Variants in ABCB1 observed in about 807,000 individuals in gnomAD.
ABCB1 encodes ATP binding cassette subfamily B member 1, also known as ATP-dependent translocase ABCB1.
A neutral mutation model predicts 142.0 loss-of-function variants in ABCB1; 69 were observed. That is an observed-to-expected ratio of 0.49 (90% CI 0.40 to 0.59). ABCB1 has a LOEUF of 0.59. Ranked by LOEUF, ABCB1 falls within the 20% of genes least tolerant of loss-of-function variation. The pLI, the probability that ABCB1 is intolerant of heterozygous loss-of-function variation, is 0.00. For synonymous variants in ABCB1, 532 were observed against 539.2 expected (o/e 0.99, Z 0.18); for missense variants, 1,326 against 1,554.7 (o/e 0.85, Z 2.47).
chr7:87,632,491 T>A (rs923239915), intron 1 of ABCB1, among the ~76,000 whole-genome samples: 4 of 152,196 alleles, frequency 2.6e-5, no homozygotes, highest in Non-Finnish European at 2.9e-5. Context: ...TTTCACAGAT[T>A]TTGGTGAAGA....
chr7:87,549,970 A>G lies in ABCB1; in HGVS notation c.1435T>C (p.Leu479=). 6.2e-7 allele frequency: 1 copy of G among 1,614,248 alleles called. No individual in the cohort carries two copies. The highest frequency in any genetic ancestry group is 8.5e-7 in the Non-Finnish European group (1 of 1,180,044). ...IIGVVSQEPV[L]FATTIAENIR... ...TTTTCAGCTATCGTGGTGGCAAACA[A>G]TACAGGTTCCTGACTCACCACACCA... The change falls in exon 13 of 28, where the codon TTG becomes CTG. Residue 479 remains leucine (L), a synonymous_variant. Transcript: ENST00000622132.
At chr7:87,584,939 C>T (rs1818668063) in intron 4 of ABCB1, among the ~76,000 whole-genome samples, 2 of 150,578 alleles carry the variant, frequency 1.3e-5, no homozygotes, top group Non-Finnish European at 2.9e-5. Context: ...ATTATTTATC[C>T]TATCCTAAAA....
intron 20 of ABCB1, among the ~76,000 whole-genome samples, chr7:87,532,608 C>T (rs576657904): frequency 6.6e-6 from 1 of 152,226 alleles, no homozygotes; most frequent in East Asian, 1.9e-4. Context: ...TGGGAGGAAC[C>T]CTCAGTTCTG....
Position 87,549,936 on chromosome 7 carries a change from T to A in ABCB1, c.1469A>T (p.Tyr490Phe). The A allele has an allele frequency of 1.2e-6, 2 of 1,614,218 alleles. No homozygotes were observed. The highest frequency in any genetic ancestry group is 1.7e-6 in the Non-Finnish European group (2 of 1,180,034). Residue 490 changes from tyrosine (Y) to phenylalanine (F), a missense_variant, in exon 13 of 28, where the codon TAT becomes TTT. Physicochemically the swap from Tyr to Phe is conservative, Grantham distance 22 (BLOSUM62 3). Transcript: ENST00000622132. ...FATTIAENIR[Y>F]GRENVTMDEI... ...ATCCATGGTGACATTTTCACGGCCATAGCGAATGTTTTCAGCTATCGTGGT... is the reference window on the plus strand; with the variant it reads ...ATCCATGGTGACATTTTCACGGCCAAAGCGAATGTTTTCAGCTATCGTGGT...
At chr7:87,651,469 A>G (rs1358587833) in intron 1 of ABCB1, among the ~76,000 whole-genome samples, 1 of 152,130 alleles carries the variant, frequency 6.6e-6, no homozygotes, top group Non-Finnish European at 1.5e-5. Context: ...TGAATTTTAG[A>G]TTCTTTAAAT....
At chr7:87,579,510 T>C (rs374863895) in intron 4 of ABCB1, among the ~76,000 whole-genome samples, 4 of 152,356 alleles carry the variant, frequency 2.6e-5, no homozygotes, top group South Asian at 4.1e-4. Context: ...ACATATCACA[T>C]TGATTAGTTT....
intron 4 of ABCB1, among the ~76,000 whole-genome samples, chr7:87,578,162 T>G (rs769720352): frequency 1.3e-5 from 2 of 152,226 alleles, no homozygotes; most frequent in Non-Finnish European, 2.9e-5. Context: ...CCCACCACCA[T>G]TTTTTGAAGA....
At position 87,612,959 on chromosome 7, in the gene ABCB1, C is replaced by CCTTTAGAGAT. The variant is rs577114671; in HGVS notation, c.-330-11891_-330-11882dup. The stretch of plus-strand genomic sequence containing the variant: ...CTTTCTGCAGTGTTTCATAGTTGTT[C>CCTTTAGAGAT]CTTTAGAGATCTTTCACCTCCTTGG... On this transcript the variant is annotated intron_variant, in intron 1 of 28. Transcript: ENST00000265724. Among the ~76,000 whole-genome samples the CCTTTAGAGAT allele has an allele frequency of 7.5e-4, 110 of 147,364 alleles. 1 individual carries two copies. Among genetic ancestry groups the CCTTTAGAGAT allele is most frequent in the African/African-American group, 2.5e-3 (100 of 40,400 alleles).
intron 1 of ABCB1, among the ~76,000 whole-genome samples, chr7:87,617,816 T>A (rs1449074924): frequency 6.6e-6 from 1 of 152,160 alleles, no homozygotes; most frequent in African/African-American, 2.4e-5. Flanking sequence ...TCAACATTCT[T>A]AGGATAAAGA....
At chr7:87,678,662 T>C (rs1279085288) in intron 1 of ABCB1, among the ~76,000 whole-genome samples, 1 of 151,856 alleles carries the variant, frequency 6.6e-6, no homozygotes, top group Non-Finnish European at 1.5e-5. Flanking sequence ...TTTGACTGGG[T>C]AAAAAAAGGA....
chr7:87,516,370 A>G (rs1815248919), intron 24 of ABCB1, 139 bp downstream of exon 24: 1 of 1,053,412 alleles, frequency 9.5e-7, no homozygotes, highest in Non-Finnish European at 1.4e-6. Context: ...TATTAGCAGT[A>G]ATTGAAAGGA....
chr7:87,513,129 T>G (rs902519314), intron 25 of ABCB1, among the ~76,000 whole-genome samples: 9 of 152,184 alleles, frequency 5.9e-5, no homozygotes, highest in Admixed American at 3.3e-4. Context: ...CAGATTCTAG[T>G]CTCGTGTCTT....
chr7:87,644,955 G>T (rs547601954), intron 1 of ABCB1, among the ~76,000 whole-genome samples: 2 of 151,992 alleles, frequency 1.3e-5, no homozygotes, highest in South Asian at 4.2e-4. Flanking sequence ...ATGTAATATG[G>T]ATGTAATTAA....
At chr7:87,628,896 A>T (rs1240626433) in intron 1 of ABCB1, 3 of 1,304,438 alleles carry the variant, frequency 2.3e-6, no homozygotes, top group Non-Finnish European at 2.0e-6. Flanking sequence ...GAAAAGCCTG[A>T]GCGCCCGCAA....
chr7:87,526,402 G>A (rs1020602733), intron 21 of ABCB1, among the ~76,000 whole-genome samples: 2 of 151,816 alleles, frequency 1.3e-5, no homozygotes, highest in African/African-American at 4.8e-5. Flanking sequence ...TATGAGTGGC[G>A]AGGCACAGTG....
At chr7:87,673,327 C>G (rs890198889) in intron 1 of ABCB1, among the ~76,000 whole-genome samples, 4 of 152,180 alleles carry the variant, frequency 2.6e-5, no homozygotes, top group African/African-American at 7.2e-5. Context: ...AATTTCCTTG[C>G]TTTGTCTCCC....
chr7:87,528,987 C>G (rs1815916725), intron 21 of ABCB1, among the ~76,000 whole-genome samples: 1 of 152,178 alleles, frequency 6.6e-6, no homozygotes, highest in South Asian at 2.1e-4. Flanking sequence ...GGAGTTAGAT[C>G]ATACAGAGTT....
rs1738090309 is a variant in ABCB1, at chr7:87,566,390, G to C, written c.531-149C>G. On this transcript the variant is annotated intron_variant, in intron 6 of 27. Transcript: ENST00000622132. ...TTTAGCAGGGTAGAAGTTTCTACTA[G>C]GATATTTGTCATTAACAACAAAAAT... 7 of 813,218 alleles carry C rather than the reference G, an allele frequency of 8.6e-6. No individual in the cohort carries two copies. In the Admixed American group the frequency reaches 1.3e-4, roughly 15 times the overall value. 50.4% of individuals were successfully genotyped at this position (813,218 alleles called of 1,614,324 possible). A position where few individuals can be genotyped will look rare whatever the true frequency, so the allele number is the denominator to read the frequency against.
At position 87,679,945 on chromosome 7, in the gene ABCB1, T is replaced by G. The variant is rs139865782; in HGVS notation, c.-331+33216A>C. On this transcript the variant is annotated intron_variant, in intron 1 of 28. Transcript: ENST00000265724. The stretch of plus-strand genomic sequence containing the variant: ...ATACACTTTTTTAAACAAATTATAC[T>G]TTACATGTGCCATGGTGGTTTGCTG... Among the ~76,000 whole-genome samples, 85 of 150,570 alleles carry G rather than the reference T, an allele frequency of 5.6e-4. 1 individual carries two copies. Among genetic ancestry groups the G allele is most frequent in the Non-Finnish European group, 1.5e-5 (1 of 67,824 alleles).
Sources: gnomAD v4.1 joint callset for allele counts (sites outside exome capture counted in the v4.1 genomes callset) on GRCh38, gnomAD v4.1.1 for gene constraint, MANE v1.5 for transcripts, NCBI Gene and HGNC (gene_info 2026-07-23, HGNC 2026-07-21) for gene names.